TBX10: variants seen among roughly 807,000 people sequenced by gnomAD.
TBX10 encodes T-box transcription factor 10, also known as T-box transcription factor TBX10.
A neutral mutation model predicts 32.4 loss-of-function variants in TBX10; 26 were observed. That is an observed-to-expected ratio of 0.80 (90% confidence interval 0.59 to 1.11). The LOEUF (loss-of-function observed/expected upper bound fraction) is 1.11, where lower values mean the gene tolerates loss of function less well. TBX10 is among the 50% of genes most tolerant of loss of function. TBX10 has a pLI of 0.00. For missense variants in TBX10, 490 were observed against 494.5 expected (o/e 0.99, Z 0.09); for synonymous variants, 195 against 203.1 (o/e 0.96, Z 0.34).
At position 67,632,239 on chromosome 11, in the gene TBX10, T is replaced by A. The variant is rs1855247336; in HGVS notation, c.868+79A>T. 16 of 1,534,842 alleles carry A rather than the reference T, an allele frequency of 1.0e-5. No homozygotes were observed. In the South Asian group the frequency reaches 1.5e-4, roughly 14 times the overall value. ...GGTTCGCTGAGCTGCTGAAGCCCCT[T>A]CCTGGAGGTCCTGTCCCTTTGCCTT... On this transcript the variant is annotated intron_variant, in intron 7 of 7. Transcript: ENST00000335385.
intron 1 of TBX10, 65 bp downstream of exon 1, chr11:67,639,401 T>TCCCCCCCCCCCCCCCCCCCCCCG: frequency 4.7e-6 from 1 of 213,932 alleles, no homozygotes; most frequent in Non-Finnish European, 9.8e-6. Flanking sequence ...GTTCCCACCC[T>TCCCCCCCCCCCCCCCCCCCCCCG]GCCCACCCAC....
intron 1 of TBX10, among the ~76,000 whole-genome samples, chr11:67,637,738 T>C (rs1565235280): frequency 1.3e-5 from 2 of 152,322 alleles, no homozygotes; most frequent in Admixed American, 1.3e-4. Flanking sequence ...TTGATTTTTT[T>C]TTATTATTGT....
intron 4 of TBX10, among the ~76,000 whole-genome samples, chr11:67,633,749 T>A (rs377471399): frequency 2.6e-4 from 40 of 152,182 alleles, no homozygotes; most frequent in African/African-American, 8.4e-4. Context: ...TCCGCCCCCC[T>A]TCCGTACCTC....
upstream of TBX10, among the ~76,000 whole-genome samples, chr11:67,640,484 C>T (rs913042522): frequency 2.0e-5 from 3 of 152,172 alleles, no homozygotes; most frequent in Non-Finnish European, 2.9e-5. Context: ...AGTGGGCGTC[C>T]GCTCTGCCTG....
In TBX10 at chr11:67,631,626, C is replaced by T; in HGVS notation, c.1137G>A (p.Gly379=). The T allele has an allele frequency of 1.2e-6, 2 of 1,600,972 alleles. No homozygotes were observed. Among genetic ancestry groups the T allele is most frequent in the Non-Finnish European group, 8.5e-7 (1 of 1,177,178 alleles). ...GLLSPTVVCL[G]PGQDSQ ...GGCATCACTGGGAGTCCTGGCCAGG[C>T]CCCAGGCACACCACAGTGGGGGACA... Residue 379 remains glycine (G), a synonymous_variant, in exon 8 of 8, where the codon GGG becomes GGA. Transcript: ENST00000335385.
chr11:67,636,256 T>C lies in TBX10; in HGVS notation c.8-993A>G, dbSNP rs993339912. On this transcript the variant is annotated intron_variant, in intron 1 of 7. Coordinates refer to ENST00000335385, the MANE Select transcript of TBX10 (RefSeq NM_005995.5). ...ACCACCACACACGGCTACTTTTTTT[T>C]TTTTTTTGTAGAGATGGGATCTCCC... Among the ~76,000 whole-genome samples the C allele has an allele frequency of 1.1e-3, 173 of 151,022 alleles. No individual in the cohort carries two copies. In the East Asian group the frequency reaches 0.031, roughly 27 times the overall value.
Position 67,631,793 on chromosome 11 carries a change from G to A in TBX10, c.970C>T (p.Pro324Ser). The A allele has an allele frequency of 6.3e-7, 1 of 1,596,936 alleles. No individual in the cohort carries two copies. The highest frequency in any genetic ancestry group is 8.5e-7 in the Non-Finnish European group (1 of 1,172,202). The change falls in exon 8 of 8, where the codon CCT (proline) becomes TCT (serine). Residue 324 changes from proline (P) to serine (S), a missense_variant. By Grantham distance (74) the Pro-to-Ser change is moderately conservative. Transcript: ENST00000335385. ...GAGTACAGGCTCTGATACGTGACAG[G>A]CCTGTAGGTGGCCGGGGCCAGCAGG... Reference protein sequence around the residue: ...EVLLAPATYRPVTYQSLYSGA... With the variant: ...EVLLAPATYRSVTYQSLYSGA...
Position 67,638,550 on chromosome 11 carries a change from G to A in TBX10, c.7+916C>T, listed in dbSNP as rs868020993. Among the ~76,000 whole-genome samples the A allele has an allele frequency of 2.6e-5, 4 of 152,340 alleles. 1 individual carries two copies. Among genetic ancestry groups the A allele is most frequent in the African/African-American group, 9.6e-5 (4 of 41,580 alleles). ...AACTGGCAGACAGGCGGGTGACGGAGGCCCCCAGGTGGCATAGCATCTGCT... is the reference window on the plus strand; with the variant it reads ...AACTGGCAGACAGGCGGGTGACGGAAGCCCCCAGGTGGCATAGCATCTGCT... On this transcript the variant is annotated intron_variant, in intron 1 of 7. Transcript: ENST00000335385.
intron 4 of TBX10, among the ~76,000 whole-genome samples, chr11:67,633,900 C>T (rs1015854082): frequency 6.6e-6 from 1 of 152,214 alleles, no homozygotes; most frequent in Non-Finnish European, 1.5e-5. Flanking sequence ...TGTGTCCACA[C>T]ATAAAGCGGG....
rs766076244 is a variant in TBX10 at position 67,635,288 on chromosome 11, G to A, written c.8-25C>T. On this transcript the variant is annotated intron_variant, in intron 1 of 7. Coordinates refer to ENST00000335385, the MANE Select transcript of TBX10 (RefSeq NM_005995.5). The stretch of plus-strand genomic sequence containing the variant: ...GCTGTGGAGAGAGGACGGAAGTGTG[G>A]GCCCCACGCATCACCCAGCCAGCTC... 5 of 1,612,504 alleles carry A rather than the reference G, an allele frequency of 3.1e-6. No homozygotes were observed. In the South Asian group the frequency reaches 4.4e-5, roughly 14 times the overall value.
In TBX10 at chr11:67,632,606, G is replaced by A; in HGVS notation, c.770C>T (p.Ser257Phe). 1 of 1,614,056 alleles carries A rather than the reference G, an allele frequency of 6.2e-7. No individual in the cohort carries two copies. Among genetic ancestry groups the A allele is most frequent in the Non-Finnish European group, 8.5e-7 (1 of 1,180,012 alleles). The change falls in exon 6 of 8, where the codon TCC (serine) becomes TTC (phenylalanine). Residue 257 changes from serine (S) to phenylalanine (F), a missense_variant. Transcript: ENST00000335385. ...TAGGGTCAGGGTCAGACAGTACCAG[G>A]AGTCCAGGTCACTCTCTCTAAAGCC... is the stretch of plus-strand genomic sequence containing the variant. ...AKGFRESDLD[S>F]WPVAPRPLLS...
upstream of TBX10, among the ~76,000 whole-genome samples, chr11:67,640,458 G>T (rs1227368312): frequency 1.3e-5 from 2 of 152,220 alleles, no homozygotes; most frequent in South Asian, 2.1e-4. Context: ...AAACGGTGAG[G>T]CTGGCCCAGG....
chr11:67,634,494 A>G, intron 3 of TBX10, 134 bp from the exon 4 acceptor site: 1 of 1,079,536 alleles, frequency 9.3e-7, no homozygotes, highest in Admixed American at 2.1e-5. Context: ...AAGGAACCCA[A>G]GGCTCAAGAG....
chr11:67,632,012 C>T (rs1353252020), intron 7 of TBX10, 118 bp from the exon 8 acceptor site: 16 of 1,409,926 alleles, frequency 1.1e-5, no homozygotes, highest in Non-Finnish European at 1.5e-5. Flanking sequence ...CAGCCTTCGC[C>T]TTTGCTTTTC....
chr11:67,637,545 A>C (rs1027929633), intron 1 of TBX10, among the ~76,000 whole-genome samples: 107 of 152,304 alleles, frequency 7.0e-4, no homozygotes, highest in Non-Finnish European at 1.5e-3. Flanking sequence ...AGAACTTTTA[A>C]AACTGGCAAA....
At position 67,631,870 on chromosome 11, in the gene TBX10, G is replaced by A; in HGVS notation, c.893C>T (p.Thr298Ile). The change falls in exon 8 of 8, where the codon ACC becomes ATC. Residue 298 changes from threonine (T) to isoleucine (I), a missense_variant. By Grantham distance (89) the Thr-to-Ile change is moderately conservative. Transcript: ENST00000335385. Reference protein sequence around the residue: ...EKDPNKASASTSKTPAWLHHQ... With the variant: ...EKDPNKASASISKTPAWLHHQ... Reference sequence around the variant, plus strand: ...ATGGAGCCAAGCAGGGGTCTTGGAGGTGGAAGCTGAAGCTTTGTTGGGGTC... The same window carrying A: ...ATGGAGCCAAGCAGGGGTCTTGGAGATGGAAGCTGAAGCTTTGTTGGGGTC... The A allele has an allele frequency of 6.3e-7, 1 of 1,575,090 alleles. No homozygotes were observed. Among genetic ancestry groups the A allele is most frequent in the Non-Finnish European group, 8.6e-7 (1 of 1,160,092 alleles).
At chr11:67,639,893 C>G (rs959904324), upstream of TBX10, among the ~76,000 whole-genome samples, 3 of 152,168 alleles carry the variant, frequency 2.0e-5, no homozygotes, top group Non-Finnish European at 4.4e-5. Context: ...CATTCCTGAT[C>G]GATGGGCCCA....
At position 67,631,589 on chromosome 11, in the gene TBX10, C is replaced by T. The variant is rs768029522; in HGVS notation, c.*16G>A. The T allele has an allele frequency of 1.9e-6, 3 of 1,585,300 alleles. No individual in the cohort carries two copies. Among genetic ancestry groups the T allele is most frequent in the East Asian group, 4.5e-5 (2 of 44,272 alleles). ...AAGGTCCAGGGTAGCAGGGCTTCCC[C>T]CCAGGGCTTCTGGCATCACTGGGAG... is the stretch of plus-strand genomic sequence containing the variant. On this transcript the variant is annotated 3_prime_UTR_variant, in exon 8 of 8. Transcript: ENST00000335385.
intron 1 of TBX10, among the ~76,000 whole-genome samples, chr11:67,638,555 C>T (rs1424579643): frequency 6.6e-6 from 1 of 152,148 alleles, no homozygotes; most frequent in Non-Finnish European, 1.5e-5. Context: ...ACGGAGGCCC[C>T]CAGGTGGCAT....
Sources: gnomAD v4.1 joint callset for allele counts (sites outside exome capture counted in the v4.1 genomes callset) on GRCh38, gnomAD v4.1.1 for gene constraint, MANE v1.5 for transcripts, NCBI Gene and HGNC (gene_info 2026-07-23, HGNC 2026-07-21) for gene names.